NAE1: variants seen among roughly 807,000 people sequenced by gnomAD.
NAE1 encodes the protein NEDD8 activating enzyme E1 subunit 1.
Under a neutral mutation model 88.0 loss-of-function variants are expected in NAE1, and 59 were observed. The observed-to-expected ratio is 0.67, with a 90% CI of 0.54 to 0.83. The LOEUF (loss-of-function observed/expected upper bound fraction) is 0.83, where lower values mean the gene tolerates loss of function less well. NAE1 is among the 40% of genes least tolerant of loss of function. The pLI, the probability that NAE1 is intolerant of heterozygous loss-of-function variation, is 0.00. For missense variants in NAE1, 554 were observed against 632.8 expected (o/e 0.88, Z 1.34); for synonymous variants, 186 against 208.9 (o/e 0.89, Z 0.95).
intron 9 of NAE1, 172 bp downstream of exon 9, chr16:66,817,253 A>C (rs1453834010): frequency 1.1e-6 from 1 of 886,446 alleles, no homozygotes; most frequent in African/African-American, 1.7e-5. Context: ...TTTAATTAAA[A>C]TTATCAGGAT....
intron 1 of NAE1, chr16:66,828,076 G>A (rs779016781): frequency 4.3e-6 from 7 of 1,611,136 alleles, no homozygotes; most frequent in South Asian, 3.3e-5. Context: ...TGGAGGAATC[G>A]CCTAGAAGAA....
At chr16:66,806,886 T>C (rs1232213103) in intron 17 of NAE1, among the ~76,000 whole-genome samples, 2 of 152,206 alleles carry the variant, frequency 1.3e-5, no homozygotes, top group Non-Finnish European at 2.9e-5. Context: ...AGCTCATAAG[T>C]GATGCTGTAT....
chr16:66,830,873 C>T lies in NAE1; in HGVS notation c.27G>A (p.Lys9=). The change falls in exon 1 of 20, where the codon AAG becomes AAA. Residue 9 remains lysine, a synonymous_variant. Transcript: ENST00000290810. The stretch of plus-strand genomic sequence containing the variant: ...TCAGCTGCCGGTCGTACTTCTGCTC[C>T]TTGAGCAGCTTTCCCAGCTGCGCCA... MAQLGKLL[K]EQKYDRQLRL... is the part of the protein sequence containing the mutation. The T allele has an allele frequency of 2.6e-6, 4 of 1,535,370 alleles. No individual in the cohort carries two copies. The highest frequency in any genetic ancestry group is 1.9e-5 in the Admixed American group (1 of 52,146).
chr16:66,815,452 C>A (rs142075822), intron 11 of NAE1, among the ~76,000 whole-genome samples: 2 of 152,268 alleles, frequency 1.3e-5, no homozygotes, highest in African/African-American at 4.8e-5. Flanking sequence ...CTCCCAGGCT[C>A]AAGCGATCCT....
At position 66,830,951 on chromosome 16, in the gene NAE1, C is replaced by G; in HGVS notation, c.-52G>C. 1.4e-6 allele frequency: 2 copies of G among 1,472,380 alleles called. No homozygotes were observed. Among genetic ancestry groups the G allele is most frequent in the Non-Finnish European group, 1.8e-6 (2 of 1,116,118 alleles). The allele number at this position is 1,472,380 out of a possible 1,614,324, so 91.2% of individuals were successfully genotyped here. On this transcript the variant is annotated 5_prime_UTR_variant, in exon 1 of 20. Transcript: ENST00000290810. ...CCGAGCCCCTGCGGAGCGCCGCCACCAGCTCCACAAGCGCGCAGGCGCACT... is the reference window on the plus strand; with the variant it reads ...CCGAGCCCCTGCGGAGCGCCGCCACGAGCTCCACAAGCGCGCAGGCGCACT...
At chr16:66,811,719 GTC>G (rs1483196480) in intron 13 of NAE1, among the ~76,000 whole-genome samples, 1 of 152,092 alleles carries the variant, frequency 6.6e-6, no homozygotes, top group Non-Finnish European at 1.5e-5. Context: ...TTTTCTTTAC[GTC>G]TATTTACCTT....
chr16:66,804,103 A>G (rs1959465100), intron 19 of NAE1, among the ~76,000 whole-genome samples: 1 of 152,206 alleles, frequency 6.6e-6, no homozygotes, highest in South Asian at 2.1e-4. Flanking sequence ...ATATAAATAC[A>G]AGAGAAGGGG....
At position 66,816,598 on chromosome 16, in the gene NAE1, C is replaced by T. The variant is rs766527852; in HGVS notation, c.823G>A (p.Ala275Thr). 2 of 1,610,292 alleles carry T rather than the reference C, an allele frequency of 1.2e-6. No individual in the cohort carries two copies. The highest frequency in any genetic ancestry group is 1.7e-6 in the Non-Finnish European group (2 of 1,177,164). Residue 275 changes from alanine (A) to threonine (T), a missense_variant, in exon 11 of 20, where the codon GCA becomes ACA. Physicochemically the swap from Ala to Thr is moderately conservative, Grantham distance 58. Transcript: ENST00000290810. Reference sequence around the variant, plus strand: ...TTCATTACCTGAGTTGTATTTAGTGCTGTGTTCACATTTTTAATAGCTTCT... The same window carrying T: ...TTCATTACCTGAGTTGTATTTAGTGTTGTGTTCACATTTTTAATAGCTTCT... The part of the protein sequence containing the change: ...FEEAIKNVNT[A>T]LNTTQIPSSI...
At chr16:66,827,090 G>A (rs13330121) in intron 1 of NAE1, among the ~76,000 whole-genome samples, 28,519 of 151,924 alleles carry the variant, frequency 0.19, 5,398 homozygotes, top group African/African-American at 0.49. Flanking sequence ...TTTAAAAAGC[G>A]TCTTTGGATT....
At chr16:66,828,035 T>C (rs1323368915) in intron 1 of NAE1, 1 of 1,613,736 alleles carries the variant, frequency 6.2e-7, no homozygotes, top group Non-Finnish European at 8.5e-7. Flanking sequence ...CACTGTATGC[T>C]CCATAAGGGC....
rs1009371709 is a variant in NAE1 at position 66,805,688 on chromosome 16, A to T, written c.1495+89T>A. 7.3e-6 allele frequency: 8 copies of T among 1,099,960 alleles called. No individual in the cohort carries two copies. The African/African-American group carries it at 8.1e-5, about 11-fold the overall frequency. The allele number at this position is 1,099,960 out of a possible 1,614,324, so 68.1% of individuals were successfully genotyped here. A position where few individuals can be genotyped will look rare whatever the true frequency, so the allele number is the denominator to read the frequency against. On this transcript the variant is annotated intron_variant, in intron 19 of 19. Coordinates refer to ENST00000290810, the MANE Select transcript of NAE1 (RefSeq NM_003905.4). ...AACATCCTGCTTCACTGACCTCCCT[A>T]ATTAAAATAGCTAGACGACAAAACT...
At chr16:66,805,618 A>G (rs544934397) in intron 19 of NAE1, 159 bp downstream of exon 19, 371 of 587,896 alleles carry the variant, frequency 6.3e-4, no homozygotes, top group Non-Finnish European at 7.1e-4. Context: ...AACCTGGGCA[A>G]AACAGTGAGA....
intron 17 of NAE1, among the ~76,000 whole-genome samples, chr16:66,807,429 CAGG>C (rs1358508672): frequency 6.6e-6 from 1 of 152,044 alleles, no homozygotes; most frequent in Non-Finnish European, 1.5e-5. Flanking sequence ...CACTTGAGGT[CAGG>C]AGTTCGAGAC....
chr16:66,807,141 C>A (rs1276995962), intron 17 of NAE1, among the ~76,000 whole-genome samples: 2 of 152,206 alleles, frequency 1.3e-5, no homozygotes, highest in Non-Finnish European at 2.9e-5. Context: ...CAGGCTCAAG[C>A]AACTGCATGC....
In NAE1 at chr16:66,830,915, G is replaced by C. The variant is rs1181615511; in HGVS notation, c.-16C>G. On this transcript the variant is annotated 5_prime_UTR_variant, in exon 1 of 20. Coordinates refer to ENST00000290810, the MANE Select transcript of NAE1 (RefSeq NM_003905.4). ...GCTGCGCCATGGCCGCGCCTGCCGC[G>C]CGGAAAACAGCCGAGCCCCTGCGGA... 6.5e-7 allele frequency: 1 copy of C among 1,529,328 alleles called. No individual in the cohort carries two copies. Among genetic ancestry groups the C allele is most frequent in the African/African-American group, 1.4e-5 (1 of 69,770 alleles). The allele number at this position is 1,529,328 out of a possible 1,614,324, so 94.7% of individuals were successfully genotyped here.
chr16:66,808,274 AG>A (rs1200264151), intron 17 of NAE1, among the ~76,000 whole-genome samples: 2 of 152,224 alleles, frequency 1.3e-5, no homozygotes, highest in Non-Finnish European at 2.9e-5. Flanking sequence ...GGAAAATGAC[AG>A]AAAAAAGTTT....
intron 13 of NAE1, among the ~76,000 whole-genome samples, 190 bp from the exon 14 acceptor site, chr16:66,810,962 C>G (rs779709013): frequency 6.6e-6 from 1 of 152,126 alleles, no homozygotes; most frequent in Admixed American, 6.6e-5. Context: ...GTGTTAGTGA[C>G]GGACTCTCAG....
chr16:66,810,255 T>C (rs1002703665), intron 15 of NAE1, 119 bp downstream of exon 15: 3 of 760,258 alleles, frequency 3.9e-6, no homozygotes, highest in Non-Finnish European at 6.7e-6. Flanking sequence ...TAATTATCTA[T>C]ATCTATATCA....
chr16:66,826,253 G>C (rs1287908603), intron 3 of NAE1: 1 of 445,798 alleles, frequency 2.2e-6, no homozygotes, highest in East Asian at 4.2e-5. Context: ...CAAGAGCTTA[G>C]GAAGTGCCCA....
Sources: allele counts gnomAD v4.1 joint callset (sites outside exome capture counted in the v4.1 genomes callset), GRCh38; gene constraint gnomAD v4.1.1; transcripts MANE v1.5; gene names NCBI Gene and HGNC (gene_info 2026-07-23, HGNC 2026-07-21).